ADCY2: variants seen among roughly 807,000 people sequenced by gnomAD.
The protein encoded by ADCY2 is adenylate cyclase 2.
Under a neutral mutation model 125.2 loss-of-function variants are expected in ADCY2, and 31 were observed. That is an observed-to-expected ratio of 0.25 (90% CI 0.19 to 0.33). The LOEUF is 0.33. ADCY2 is among the 10% of genes least tolerant of loss of function. The pLI is 1.00. For synonymous variants in ADCY2, 512 were observed against 548.4 expected (o/e 0.93, Z 0.93); for missense variants, 904 against 1,418.2 (o/e 0.64, Z 5.82).
chr5:7,416,854 C>T (rs989078712), intron 2 of ADCY2, among the ~76,000 whole-genome samples: 1 of 152,104 alleles, frequency 6.6e-6, no homozygotes, highest in African/African-American at 2.4e-5. Flanking sequence ...TCTTCTTGCA[C>T]CAAAGCCATC....
intron 2 of ADCY2, among the ~76,000 whole-genome samples, chr5:7,512,614 A>G (rs954321609): frequency 6.6e-5 from 10 of 152,232 alleles, no homozygotes; most frequent in Non-Finnish European, 2.9e-5. Context: ...TTGCATCCAC[A>G]TATTCCAGGC....
intron 19 of ADCY2, among the ~76,000 whole-genome samples, chr5:7,787,562 T>C (rs1037050979): frequency 6.6e-6 from 1 of 152,232 alleles, no homozygotes; most frequent in Admixed American, 6.5e-5. Context: ...GGGCCTTTCA[T>C]ACAAGCTGCT....
At chr5:7,704,135 T>C (rs1741183920) in intron 7 of ADCY2, among the ~76,000 whole-genome samples, 1 of 152,118 alleles carries the variant, frequency 6.6e-6, no homozygotes, top group South Asian at 2.1e-4. Flanking sequence ...GCATTTCCAT[T>C]CCCATTCATT....
chr5:7,678,081 A>G (rs1189066144), intron 4 of ADCY2, among the ~76,000 whole-genome samples: 1 of 152,224 alleles, frequency 6.6e-6, no homozygotes, highest in African/African-American at 2.4e-5. Flanking sequence ...TATTCAAATT[A>G]ATCAATAAAT....
At chr5:7,715,257 C>T (rs545183345) in intron 11 of ADCY2, among the ~76,000 whole-genome samples, 1 of 152,366 alleles carries the variant, frequency 6.6e-6, no homozygotes, top group South Asian at 2.1e-4. Context: ...GTCACATTTA[C>T]AGCATTGAGC....
chr5:7,801,345 T>C (rs992118206), intron 20 of ADCY2: 4 of 152,252 alleles, frequency 2.6e-5, no homozygotes, highest in African/African-American at 9.7e-5. Flanking sequence ...AGCCATCTTG[T>C]TTAACAGAAC....
intron 5 of ADCY2, 98 bp downstream of exon 5, chr5:7,690,937 G>T: frequency 7.6e-7 from 1 of 1,320,142 alleles, no homozygotes; most frequent in Non-Finnish European, 1.0e-6. Context: ...TCTCTCCTTT[G>T]TGACAGTGGA....
At chr5:7,694,535 G>A (rs1231049505) in intron 5 of ADCY2, among the ~76,000 whole-genome samples, 1 of 152,202 alleles carries the variant, frequency 6.6e-6, no homozygotes. Context: ...GAATCATACA[G>A]TATTTGCTCT....
intron 16 of ADCY2, among the ~76,000 whole-genome samples, chr5:7,764,922 T>A (rs149436921): frequency 1.3e-5 from 2 of 152,336 alleles, no homozygotes; most frequent in African/African-American, 4.8e-5. Context: ...AATTGTAGTA[T>A]GATTTTAGAC....
At chr5:7,728,026 G>T (rs1741981785) in intron 14 of ADCY2, among the ~76,000 whole-genome samples, 1 of 152,014 alleles carries the variant, frequency 6.6e-6, no homozygotes, top group Non-Finnish European at 1.5e-5. Flanking sequence ...GATATGGAAA[G>T]AAATTTTAAG....
chr5:7,735,808 G>A (rs2126417423), intron 14 of ADCY2, among the ~76,000 whole-genome samples: 1 of 152,266 alleles, frequency 6.6e-6, no homozygotes, highest in Middle Eastern at 3.4e-3. Context: ...TTTGGTATTG[G>A]TGTCAGGGTG....
At chr5:7,436,393 T>C (rs956272969) in intron 2 of ADCY2, among the ~76,000 whole-genome samples, 1 of 152,230 alleles carries the variant, frequency 6.6e-6, no homozygotes, top group African/African-American at 2.4e-5. Context: ...ATTCTATCTC[T>C]ATCGTTGCCT....
intron 2 of ADCY2, among the ~76,000 whole-genome samples, chr5:7,507,206 C>T (rs1743857984): frequency 6.7e-6 from 1 of 148,706 alleles, no homozygotes; most frequent in Non-Finnish European, 1.5e-5. Flanking sequence ...CTTTGGGAGG[C>T]CGAGGCGGGC....
chr5:7,673,474 T>C (rs778313876), intron 4 of ADCY2, among the ~76,000 whole-genome samples: 24 of 151,562 alleles, frequency 1.6e-4, no homozygotes, highest in Non-Finnish European at 2.9e-4. Context: ...ACCTACAATG[T>C]GCACGAAACC....
chr5:7,492,383 A>G (rs1012142508), intron 2 of ADCY2, among the ~76,000 whole-genome samples: 15 of 152,180 alleles, frequency 9.9e-5, no homozygotes, highest in African/African-American at 3.6e-4. Flanking sequence ...GAGGAATGTG[A>G]TCATATCCAT....
At chr5:7,495,622 G>A (rs1053926450) in intron 2 of ADCY2, among the ~76,000 whole-genome samples, 2 of 152,100 alleles carry the variant, frequency 1.3e-5, no homozygotes, top group African/African-American at 4.8e-5. Flanking sequence ...TCATCTGTTG[G>A]TAATAAAAGT....
chr5:7,533,581 A>G lies in ADCY2; in HGVS notation c.570+12682A>G, dbSNP rs114977754. Among the ~76,000 whole-genome samples the G allele has an allele frequency of 5.7e-3, 863 of 152,100 alleles. 12 individuals are homozygous for G. Among genetic ancestry groups the G allele is most frequent in the African/African-American group, 0.02 (815 of 41,508 alleles). Reference sequence around the variant, plus strand: ...ATTTTTTTCTCTCCCATTTATTTACATAAATATTGTGGCTATACATTTTTC... The same window carrying G: ...ATTTTTTTCTCTCCCATTTATTTACGTAAATATTGTGGCTATACATTTTTC... On this transcript the variant is annotated intron_variant, in intron 3 of 24. Transcript: ENST00000338316.
At chr5:7,514,875 C>T (rs1028041742) in intron 2 of ADCY2, among the ~76,000 whole-genome samples, 1 of 152,318 alleles carries the variant, frequency 6.6e-6, no homozygotes, top group African/African-American at 2.4e-5. Flanking sequence ...CCAGGAGGAA[C>T]AAACCCTGCT....
intron 2 of ADCY2, among the ~76,000 whole-genome samples, chr5:7,437,344 C>T (rs1740843662): frequency 1.3e-5 from 2 of 152,120 alleles, no homozygotes; most frequent in South Asian, 2.1e-4. Context: ...TACCCAAGGC[C>T]CCTGCAGGAG....
Sources: gnomAD v4.1 joint callset for allele counts (sites outside exome capture counted in the v4.1 genomes callset) on GRCh38, gnomAD v4.1.1 for gene constraint, MANE v1.5 for transcripts, NCBI Gene and HGNC (gene_info 2026-07-23, HGNC 2026-07-21) for gene names.